HDAC9: variants seen among roughly 807,000 people sequenced by gnomAD.
HDAC9 encodes the protein histone deacetylase 9.
In HDAC9, 41 loss-of-function variants were observed where a neutral mutation model predicts 139.4. The ratio of observed to expected loss-of-function variants is 0.29; its 90% CI spans 0.23 to 0.38. The LOEUF (loss-of-function observed/expected upper bound fraction) is 0.38. Among genes scored for constraint, HDAC9 ranks in the 10% least tolerant of loss-of-function variants. HDAC9 has a pLI of 1.00. For synonymous variants in HDAC9, 517 were observed against 476.2 expected, an observed-to-expected ratio of 1.09 and a Z score of -1.12; for missense variants, 1,147 against 1,297.0, an observed-to-expected ratio of 0.88 and a Z score of 1.78.
intron 12 of HDAC9, among the ~76,000 whole-genome samples, chr7:18,719,404 A>G (rs925587678): frequency 2.0e-4 from 25 of 126,866 alleles, no homozygotes; most frequent in Non-Finnish European, 3.5e-4. Context: ...CAATGGCACG[A>G]TCTCGGCTCA....
At chr7:18,717,832 T>A (rs10224266) in intron 12 of HDAC9, among the ~76,000 whole-genome samples, 9,231 of 152,214 alleles carry the variant, frequency 0.061, 868 homozygotes, top group African/African-American at 0.2. Flanking sequence ...ATATGTGATA[T>A]GTTACAAAAC....
chr7:18,622,726 T>A (rs1840558432), intron 6 of HDAC9, among the ~76,000 whole-genome samples: 1 of 152,062 alleles, frequency 6.6e-6, no homozygotes, highest in East Asian at 1.9e-4. Flanking sequence ...CAATGGAAAA[T>A]TTTCCATTTT....
intron 1 of HDAC9, among the ~76,000 whole-genome samples, chr7:18,372,466 C>T (rs1000087770): frequency 9.9e-5 from 15 of 152,098 alleles, no homozygotes; most frequent in African/African-American, 3.6e-4. Context: ...CTGTATTTTC[C>T]CTTAAGTGAA....
intron 2 of HDAC9, among the ~76,000 whole-genome samples, chr7:18,175,201 G>A (rs1788790718): frequency 6.6e-6 from 1 of 152,196 alleles, no homozygotes; most frequent in African/African-American, 2.4e-5. Flanking sequence ...CTGCCTTGCA[G>A]GTCCATCTCA....
chr7:18,378,340 GTGTA>G (rs1241665697), intron 1 of HDAC9, among the ~76,000 whole-genome samples: 21 of 151,850 alleles, frequency 1.4e-4, no homozygotes, highest in Non-Finnish European at 2.2e-4. Flanking sequence ...GTTTATATCC[GTGTA>G]TGTATTATAT....
In HDAC9 at chr7:18,835,515, A is replaced by G. The variant is rs1796172691; in HGVS notation, c.2515A>G (p.Ser839Gly). 6.2e-7 allele frequency: 1 copy of G among 1,613,644 alleles called. No homozygotes were observed. The change falls in exon 20 of 26, where the codon AGC becomes GGC. Residue 839 changes from serine (S) to glycine (G), a missense_variant. Transcript: ENST00000686413. ...CCAGCAGGCCTTTTATGCTGACCCCAGCATCCTGTACATTTCACTCCATCG... is the reference window on the plus strand; with the variant it reads ...CCAGCAGGCCTTTTATGCTGACCCCGGCATCCTGTACATTTCACTCCATCG... ...GTQQAFYADP[S>G]ILYISLHRYD...
intron 12 of HDAC9, among the ~76,000 whole-genome samples, chr7:18,714,278 AT>A (rs1784549487): frequency 6.6e-6 from 1 of 152,140 alleles, no homozygotes; most frequent in African/African-American, 2.4e-5. Flanking sequence ...AACATAGGTT[AT>A]TTTTCTGCTG....
Position 18,509,310 on chromosome 7 carries a change from G to A in HDAC9, c.22+12986G>A, listed in dbSNP as rs1800731182. On this transcript the variant is annotated intron_variant, in intron 2 of 25. Coordinates refer to ENST00000686413, the MANE Select transcript of HDAC9 (RefSeq NM_178425.4). ...TCTGCCTTGTGGAAGGGGTGGGGAA[G>A]CCTTTATCAATGGGTAGGTGGGAGA... 5 of 985,306 alleles carry A rather than the reference G, an allele frequency of 5.1e-6. No individual in the cohort carries two copies. In the South Asian group the frequency reaches 2.3e-4, roughly 46 times the overall value. The allele number at this position is 985,306 out of a possible 1,614,324, so 61.0% of individuals were successfully genotyped here. A position where few individuals can be genotyped will look rare whatever the true frequency, so the allele number is the denominator to read the frequency against.
chr7:18,901,261 C>CAT (rs145525024), intron 22 of HDAC9, among the ~76,000 whole-genome samples: 149 of 144,706 alleles, frequency 1.0e-3, no homozygotes, highest in African/African-American at 2.2e-3. Context: ...TATACATATA[C>CAT]ATATATATAT....
At chr7:18,584,103 T>C (rs1482726856) in intron 2 of HDAC9, among the ~76,000 whole-genome samples, 3 of 151,686 alleles carry the variant, frequency 2.0e-5, no homozygotes, top group Non-Finnish European at 4.4e-5. Context: ...TGTCTGTGAG[T>C]TTTCCTGCTT....
intron 1 of HDAC9, among the ~76,000 whole-genome samples, chr7:18,089,696 A>AT (rs1782020942): frequency 6.6e-6 from 1 of 152,166 alleles, no homozygotes; most frequent in Non-Finnish European, 1.5e-5. Context: ...ATATTACAAC[A>AT]TATTACATTA....
At chr7:18,256,857 G>A (rs981234285) in intron 2 of HDAC9, among the ~76,000 whole-genome samples, 2 of 152,116 alleles carry the variant, frequency 1.3e-5, no homozygotes, top group Non-Finnish European at 2.9e-5. Context: ...GGAGGGCAAG[G>A]TAGGGGGATT....
At chr7:18,263,248 A>AT (rs558364903) in intron 2 of HDAC9, among the ~76,000 whole-genome samples, 10 of 152,218 alleles carry the variant, frequency 6.6e-5, no homozygotes, top group African/African-American at 1.9e-4. Context: ...GACCCAATAG[A>AT]TTTTTTTTAA....
In HDAC9 at chr7:18,874,241, T is replaced by TC. The variant is rs1176379698; in HGVS notation, c.2685-237_2685-236insC. Among the ~76,000 whole-genome samples, 9 of 151,858 alleles carry TC rather than the reference T, an allele frequency of 5.9e-5. No homozygotes were observed. In the South Asian group the frequency reaches 1.7e-3, roughly 28 times the overall value. Reference sequence around the variant, plus strand: ...GAATGTACCTGCAAAGCAGTTTTTTTTTTTTTTCCATTTGGAGGAAAAAAG... The same window carrying TC: ...GAATGTACCTGCAAAGCAGTTTTTTTCTTTTTTTCCATTTGGAGGAAAAAAG... On this transcript the variant is annotated intron_variant, in intron 21 of 25. Coordinates refer to ENST00000686413, the MANE Select transcript of HDAC9 (RefSeq NM_178425.4).
At chr7:18,547,091 T>G (rs1372888221) in intron 2 of HDAC9, among the ~76,000 whole-genome samples, 1 of 152,236 alleles carries the variant, frequency 6.6e-6, no homozygotes, top group Non-Finnish European at 1.5e-5. Context: ...CATACTTTAA[T>G]TAAAAATTAC....
At chr7:18,419,459 G>T (rs1034594784) in intron 1 of HDAC9, among the ~76,000 whole-genome samples, 1 of 152,152 alleles carries the variant, frequency 6.6e-6, no homozygotes, top group African/African-American at 2.4e-5. Context: ...GGCAAAGACT[G>T]TGCTCCATCT....
At chr7:18,677,234 A>G (rs1304042944) in intron 12 of HDAC9, among the ~76,000 whole-genome samples, 1 of 151,910 alleles carries the variant, frequency 6.6e-6, no homozygotes, top group African/African-American at 2.4e-5. Flanking sequence ...GAATCATATA[A>G]AAAAGAGTTT....
At chr7:18,320,903 G>T (rs1400445627) in intron 1 of HDAC9, among the ~76,000 whole-genome samples, 1 of 152,130 alleles carries the variant, frequency 6.6e-6, no homozygotes, top group African/African-American at 2.4e-5. Flanking sequence ...CTTTCCAATT[G>T]TCCACTTTCC....
At chr7:18,572,009 C>T (rs183421482) in intron 2 of HDAC9, among the ~76,000 whole-genome samples, 178 of 149,636 alleles carry the variant, frequency 1.2e-3, no homozygotes, top group African/African-American at 4.3e-3. Context: ...TAATGATGTA[C>T]TTTTTGTAAG....
Sources: gnomAD v4.1 joint callset for allele counts (sites outside exome capture counted in the v4.1 genomes callset) on GRCh38, gnomAD v4.1.1 for gene constraint, MANE v1.5 for transcripts, NCBI Gene and HGNC (gene_info 2026-07-23, HGNC 2026-07-21) for gene names.